NCF2: variants seen among roughly 807,000 people sequenced by gnomAD.
NCF2 encodes the protein neutrophil cytosolic factor 2.
A neutral mutation model predicts 70.9 loss-of-function variants in NCF2; 45 were observed. The observed-to-expected ratio is 0.63, with a 90% CI of 0.50 to 0.81. The LOEUF (loss-of-function observed/expected upper bound fraction) is 0.81, where lower values mean the gene tolerates loss of function less well. NCF2 is among the 40% of genes least tolerant of loss of function. NCF2 has a pLI of 0.00. For synonymous variants in NCF2, 203 were observed against 233.6 expected, an observed-to-expected ratio of 0.87 and a Z score of 1.19; for missense variants, 522 against 631.6, an observed-to-expected ratio of 0.83 and a Z score of 1.86.
chr1:183,595,023 G>A (rs570398547), upstream of NCF2, among the ~76,000 whole-genome samples: 19 of 152,280 alleles, frequency 1.2e-4, no homozygotes, highest in African/African-American at 4.6e-4. Flanking sequence ...GTGATCATTG[G>A]CTAATTAATT....
the NCF2 span, among the ~76,000 whole-genome samples, chr1:183,597,498 G>A: frequency 6.6e-6 from 1 of 152,198 alleles, no homozygotes; most frequent in Admixed American, 6.5e-5. Context: ...AGGTACATGT[G>A]TAGGTTTGTC....
At chr1:183,573,570 C>T (rs905368176) in intron 4 of NCF2, among the ~76,000 whole-genome samples, 4 of 152,154 alleles carry the variant, frequency 2.6e-5, no homozygotes, top group South Asian at 2.1e-4. Flanking sequence ...GTGTGCTGTC[C>T]GTGGGGTTCT....
At chr1:183,578,717 C>T (rs985487092) in intron 2 of NCF2, among the ~76,000 whole-genome samples, 8 of 152,168 alleles carry the variant, frequency 5.3e-5, no homozygotes, top group East Asian at 1.9e-4. Context: ...GCTGGATTGG[C>T]GTGGAGCTGA....
chr1:183,561,047 T>C (rs1672023527), intron 13 of NCF2, among the ~76,000 whole-genome samples: 2 of 152,226 alleles, frequency 1.3e-5, no homozygotes, highest in Admixed American at 1.3e-4. Context: ...GGAATTCTGA[T>C]ACTTGCTAAA....
At chr1:183,592,294 C>A (rs1673688701), upstream of NCF2, among the ~76,000 whole-genome samples, 1 of 152,212 alleles carries the variant, frequency 6.6e-6, no homozygotes, top group Admixed American at 6.5e-5. Context: ...GTTTACAAGG[C>A]CTTCCCAGCT....
rs557535861 is a variant in NCF2, at chr1:183,567,243, C to T, written c.816G>A (p.Lys272=). ...MPGNIVFVLK[K]GNDNWATVMF... is the part of the protein sequence containing the mutation. ...TGACCGTGGCCCAGTTATCATTGCCCTTCTTCAAGACAAAGACAATGTTCC... is the reference window on the plus strand; with the variant it reads ...TGACCGTGGCCCAGTTATCATTGCCTTTCTTCAAGACAAAGACAATGTTCC... The change falls in exon 8 of 15, where the codon AAG becomes AAA. Residue 272 remains lysine, a synonymous_variant. Coordinates refer to ENST00000367535, the MANE Select transcript of NCF2 (RefSeq NM_000433.4). 1 of 1,614,096 alleles carries T rather than the reference C, an allele frequency of 6.2e-7. No individual in the cohort carries two copies. The highest frequency in any genetic ancestry group is 1.1e-5 in the South Asian group (1 of 91,074).
At chr1:183,581,669 T>C (rs913991902) in intron 2 of NCF2, among the ~76,000 whole-genome samples, 5 of 135,514 alleles carry the variant, frequency 3.7e-5, no homozygotes, top group East Asian at 5.4e-4. Flanking sequence ...GCATCCTTGC[T>C]AAGTGTTTTT....
chr1:183,561,429 C>T (rs538961206), intron 13 of NCF2, among the ~76,000 whole-genome samples: 1 of 152,136 alleles, frequency 6.6e-6, no homozygotes, highest in East Asian at 1.9e-4. Context: ...TGTAACTTCT[C>T]AGAACCTCAG....
intron 2 of NCF2, among the ~76,000 whole-genome samples, chr1:183,580,347 C>G (rs1024010473): frequency 6.6e-6 from 1 of 152,140 alleles, no homozygotes; most frequent in Non-Finnish European, 1.5e-5. Flanking sequence ...CCCAGAAGTA[C>G]GCCAGAAATC....
At chr1:183,584,650 A>G (rs1359168111) in intron 2 of NCF2, among the ~76,000 whole-genome samples, 2 of 152,166 alleles carry the variant, frequency 1.3e-5, no homozygotes, top group African/African-American at 4.8e-5. Flanking sequence ...TCACTAAGGA[A>G]TGACCTTAGA....
chr1:183,570,990 A>T lies in NCF2; in HGVS notation c.610-151T>A. The T allele has an allele frequency of 5.3e-6, 4 of 753,838 alleles. No homozygotes were observed. The South Asian group carries it at 6.2e-5, about 12-fold the overall frequency. The allele number at this position is 753,838 out of a possible 1,614,324, so 46.7% of individuals were successfully genotyped here. A position where few individuals can be genotyped will look rare whatever the true frequency, so the allele number is the denominator to read the frequency against. On this transcript the variant is annotated intron_variant, in intron 5 of 14. Coordinates refer to ENST00000367535, the MANE Select transcript of NCF2 (RefSeq NM_000433.4). ...AAGGATTAGATTCCTGAGCCTCTGG[A>T]TTAGGATTTCAGCAACTGAAGAAAC...
chr1:183,575,123 C>T (rs35556454), intron 3 of NCF2, among the ~76,000 whole-genome samples: 1,645 of 152,276 alleles, frequency 0.011, 31 homozygotes, highest in African/African-American at 0.038. Context: ...GATGCAACCT[C>T]CTGTACCAGC....
chr1:183,599,402 TTTTCTTTCTTTCTTTCTTTCCTTCTTTC>T, the NCF2 span, among the ~76,000 whole-genome samples: 13 of 123,268 alleles, frequency 1.1e-4, no homozygotes, highest in Admixed American at 2.4e-4. Context: ...CCAAACCTCT[TTTTCTTTCTTTCTTTCTTTCCTTCTTTC>T]TTTCTTTCTT....
chr1:183,586,784 ATTTCCCAACAGAGG>A, intron 2 of NCF2, 97 bp downstream of exon 2: 1 of 985,206 alleles, frequency 1.0e-6, no homozygotes, highest in South Asian at 1.3e-5. Context: ...GGCCAGTCAC[ATTTCCCAACAGAGG>A]TTGGGAAGGT....
At chr1:183,577,226 A>G (rs1384421924) in intron 3 of NCF2, among the ~76,000 whole-genome samples, 1 of 152,222 alleles carries the variant, frequency 6.6e-6, no homozygotes, top group Admixed American at 6.5e-5. Context: ...ATTTGCTAGC[A>G]AAATGCTGAA....
chr1:183,568,066 G>A (rs1672389972), intron 7 of NCF2, among the ~76,000 whole-genome samples: 1 of 151,996 alleles, frequency 6.6e-6, no homozygotes, highest in Non-Finnish European at 1.5e-5. Flanking sequence ...CAGACATCGT[G>A]CCTACTCCTG....
In NCF2 at chr1:183,556,219, A is replaced by G; in HGVS notation, c.1480T>C (p.Trp494Arg). 1.2e-6 allele frequency: 2 copies of G among 1,614,088 alleles called. No homozygotes were observed. The highest frequency in any genetic ancestry group is 1.7e-6 in the Non-Finnish European group (2 of 1,179,940). ...TTCCCTTTGCACTCCCCTTCCAGCC[A>G]TTCTTCATTCACTGATAAAAGGAAA... ...ILVLSKVNEE[W>R]LEGECKGKVG... Residue 494 changes from tryptophan (W) to arginine (R), a missense_variant, in exon 15 of 15, where the codon TGG (tryptophan) becomes CGG (arginine). Physicochemically the swap from Trp to Arg is moderately radical, Grantham distance 101. Transcript: ENST00000367535.
intron 3 of NCF2, among the ~76,000 whole-genome samples, chr1:183,576,869 G>A (rs1225104281): frequency 6.6e-6 from 1 of 152,182 alleles, no homozygotes; most frequent in African/African-American, 2.4e-5. Context: ...GACATTTACA[G>A]GAATTTTGGT....
intron 2 of NCF2, among the ~76,000 whole-genome samples, chr1:183,584,183 C>T (rs552828412): frequency 5.3e-5 from 8 of 152,292 alleles, no homozygotes; most frequent in East Asian, 3.9e-4. Context: ...GGTTCACATA[C>T]GGACTTCATA....
Sources: gnomAD v4.1 joint callset for allele counts (sites outside exome capture counted in the v4.1 genomes callset) on GRCh38, gnomAD v4.1.1 for gene constraint, MANE v1.5 for transcripts, NCBI Gene and HGNC (gene_info 2026-07-23, HGNC 2026-07-21) for gene names.